Variants in RC3H1 observed in about 807,000 individuals in gnomAD.
RC3H1 encodes roquin-1.
A neutral mutation model predicts 138.2 loss-of-function variants in RC3H1; 50 were observed. That is an observed-to-expected ratio of 0.36 (90% CI 0.29 to 0.46). The LOEUF is 0.46. RC3H1 is among the 20% of genes least tolerant of loss of function. The pLI is 1.00. For missense variants in RC3H1, 1,031 were observed against 1,388.1 expected, an observed-to-expected ratio of 0.74 and a Z score of 4.09; for synonymous variants, 462 against 489.1, an observed-to-expected ratio of 0.94 and a Z score of 0.73.
chr1:174,001,550 C>T (rs1661565175), intron 1 of RC3H1, among the ~76,000 whole-genome samples: 1 of 152,108 alleles, frequency 6.6e-6, no homozygotes, highest in Admixed American at 6.6e-5. Flanking sequence ...AGGTTCAAGC[C>T]ATTCTCATGC....
intron 17 of RC3H1, among the ~76,000 whole-genome samples, chr1:173,945,493 C>G (rs1305852506): frequency 6.6e-6 from 1 of 152,094 alleles, no homozygotes; most frequent in African/African-American, 2.4e-5. Context: ...AACACTGAAT[C>G]TGGAGTATGA....
intron 1 of RC3H1, among the ~76,000 whole-genome samples, chr1:174,018,038 T>G (rs374092150): frequency 6.6e-6 from 1 of 151,790 alleles, no homozygotes; most frequent in East Asian, 1.9e-4. Context: ...CAAAATGCTA[T>G]CTCTATAAAA....
chr1:173,983,337 A>AGG (rs941858338), intron 4 of RC3H1, 81 bp downstream of exon 4: 4 of 1,506,684 alleles, frequency 2.7e-6, no homozygotes, highest in Non-Finnish European at 2.7e-6. Context: ...GCAAAGAACT[A>AGG]GGCTTTGTAC....
intron 9 of RC3H1, chr1:173,969,248 C>T (rs950247442): frequency 9.3e-5 from 14 of 151,004 alleles, no homozygotes; most frequent in Admixed American, 7.9e-4. Context: ...TATTGTACTA[C>T]TTTTGCAGAG....
intron 1 of RC3H1, among the ~76,000 whole-genome samples, chr1:174,002,004 T>C (rs1437693905): frequency 1.3e-5 from 2 of 152,202 alleles, no homozygotes; most frequent in Non-Finnish European, 2.9e-5. Context: ...AATTGTTTGC[T>C]TTATTATCTT....
chr1:174,019,880 T>C (rs1661926389), intron 1 of RC3H1, among the ~76,000 whole-genome samples: 1 of 152,136 alleles, frequency 6.6e-6, no homozygotes, highest in Non-Finnish European at 1.5e-5. Context: ...GCTGGGTCAA[T>C]AACCAATCTG....
At chr1:173,963,196 C>T (rs1273894003) in intron 11 of RC3H1, among the ~76,000 whole-genome samples, 1 of 152,082 alleles carries the variant, frequency 6.6e-6, no homozygotes, top group African/African-American at 2.4e-5. Context: ...TTCTCCTTTC[C>T]CACCACACTA....
Position 173,938,652 on chromosome 1 carries a change from T to A in RC3H1, c.*69A>T. 1 of 1,180,932 alleles carries A rather than the reference T, an allele frequency of 8.5e-7. No homozygotes were observed. Among genetic ancestry groups the A allele is most frequent in the Admixed American group, 2.6e-5 (1 of 38,964 alleles). 73.2% of individuals were successfully genotyped at this position (1,180,932 alleles called of 1,614,324 possible). The stretch of plus-strand genomic sequence containing the variant: ...CTTAAGAGAAAAAGTTTAGAAGTTA[T>A]GCGTTCTCCTACCCCTATGCCCGAC... On this transcript the variant is annotated 3_prime_UTR_variant, in exon 20 of 20. Coordinates refer to ENST00000367696, the MANE Select transcript of RC3H1 (RefSeq NM_172071.4).
At chr1:173,968,856 ATTTTT>A (rs370550482) in intron 9 of RC3H1, among the ~76,000 whole-genome samples, 2 of 128,114 alleles carry the variant, frequency 1.6e-5, no homozygotes. Flanking sequence ...AGGAATTTTG[ATTTTT>A]TTTTTTTTTT....
Position 173,994,180 on chromosome 1 carries a change from T to A in RC3H1, c.-150-1045A>T, listed in dbSNP as rs374072551. Among the ~76,000 whole-genome samples the A allele has an allele frequency of 1.9e-3, 292 of 151,840 alleles. 1 individual carries two copies. The highest frequency in any genetic ancestry group is 4.6e-3 in the South Asian group (22 of 4,794). On this transcript the variant is annotated intron_variant, in intron 1 of 19. Transcript: ENST00000367696. ...GCTGAGGCGGGTGGGTCACTTGAGG[T>A]TGGGAGTTCAAGACCAGACTGGCCA...
At chr1:174,003,765 C>T (rs373711662) in intron 1 of RC3H1, among the ~76,000 whole-genome samples, 16 of 151,830 alleles carry the variant, frequency 1.1e-4, no homozygotes, top group African/African-American at 3.9e-4. Flanking sequence ...GGTTTCACGC[C>T]ATTCTCCTGC....
intron 13 of RC3H1, among the ~76,000 whole-genome samples, chr1:173,955,512 A>G (rs944745117): frequency 3.3e-5 from 5 of 151,464 alleles, no homozygotes; most frequent in African/African-American, 9.7e-5. Flanking sequence ...TCGTAGAGAC[A>G]GGGTTTCACT....
chr1:173,967,123 G>A (rs905291038), intron 9 of RC3H1, among the ~76,000 whole-genome samples: 6 of 151,994 alleles, frequency 3.9e-5, no homozygotes, highest in African/African-American at 1.2e-4. Flanking sequence ...AGGTATTCAA[G>A]AACAGCCTGG....
At position 173,950,420 on chromosome 1, in the gene RC3H1, C is replaced by CAAAAAAAAAAAAA. The variant is rs60259705; in HGVS notation, c.2523+1553_2523+1565dup. ...CAACATAGCAAGACCTCATCTCTAC[C>CAAAAAAAAAAAAA]AAAAAAAAAAAAAAAAAAAAAGAGC... is the stretch of plus-strand genomic sequence containing the variant. On this transcript the variant is annotated intron_variant, in intron 14 of 19. Coordinates refer to ENST00000367696, the MANE Select transcript of RC3H1 (RefSeq NM_172071.4). Among the ~76,000 whole-genome samples the CAAAAAAAAAAAAA allele has an allele frequency of 2.2e-3, 140 of 63,648 alleles. 12 individuals carry two copies. Among genetic ancestry groups the CAAAAAAAAAAAAA allele is most frequent in the African/African-American group, 8.9e-3 (128 of 14,396 alleles). 41.8% of individuals were successfully genotyped at this position (63,648 alleles called of 152,430 possible). A position where few individuals can be genotyped will look rare whatever the true frequency, so the allele number is the denominator to read the frequency against.
Position 173,981,130 on chromosome 1 carries a change from T to C in RC3H1, c.769-121A>G, listed in dbSNP as rs535909166. 28 of 766,984 alleles carry C rather than the reference T, an allele frequency of 3.7e-5. 1 individual carries two copies. The East Asian group carries it at 4.1e-4, about 11-fold the overall frequency. 47.5% of individuals were successfully genotyped at this position (766,984 alleles called of 1,614,324 possible). On this transcript the variant is annotated intron_variant, in intron 5 of 19. Coordinates refer to ENST00000367696, the MANE Select transcript of RC3H1 (RefSeq NM_172071.4). ...CAGCAAGATTAAATGAATATACCAT[T>C]TGCCTGCAAAATATTTTCTCCTTAA...
rs1377517143 is a variant in RC3H1 at position 173,947,474 on chromosome 1, G to A, written c.2632C>T (p.Arg878Trp). 1.2e-6 allele frequency: 2 copies of A among 1,613,980 alleles called. No homozygotes were observed. The highest frequency in any genetic ancestry group is 1.7e-6 in the Non-Finnish European group (2 of 1,179,954). ...GAAGTTCGTGAGATGGCACCAAACC[G>A]AGACACTGTTGGTCGGTCTCCAAAT... ...IPFGDRPTVS[R>W]FGAISRTSKT... The change falls in exon 15 of 20, where the codon CGG becomes TGG. Residue 878 changes from arginine (R) to tryptophan (W), a missense_variant. Coordinates refer to ENST00000367696, the MANE Select transcript of RC3H1 (RefSeq NM_172071.4).
chr1:173,945,271 G>A (rs764727279), intron 17 of RC3H1, among the ~76,000 whole-genome samples: 54 of 152,022 alleles, frequency 3.6e-4, no homozygotes, highest in Non-Finnish European at 4.7e-4. Flanking sequence ...GACTACAGGC[G>A]TGCACTACCA....
At position 173,961,936 on chromosome 1, in the gene RC3H1, G is replaced by A; in HGVS notation, c.1991C>T (p.Pro664Leu). 2 of 1,614,092 alleles carry A rather than the reference G, an allele frequency of 1.2e-6. No individual in the cohort carries two copies. Among genetic ancestry groups the A allele is most frequent in the South Asian group, 1.1e-5 (1 of 91,080 alleles). The stretch of plus-strand genomic sequence containing the variant: ...GCCATCATAGTGAGATGGGTATATA[G>A]GTGGGTACTGCTGTGGCTGTGTGCC... ...QYGTQPQQYP[P>L]IYPSHYDGRR... The change falls in exon 12 of 20, where the codon CCT becomes CTT. Residue 664 changes from proline (P) to leucine (L), a missense_variant. Pro to Leu is a moderately conservative substitution (Grantham distance 98). Transcript: ENST00000367696.
At chr1:173,954,760 G>A (rs553800094) in intron 13 of RC3H1, among the ~76,000 whole-genome samples, 39 of 152,132 alleles carry the variant, frequency 2.6e-4, no homozygotes, top group African/African-American at 9.2e-4. Context: ...ACGAGTTTGA[G>A]ACCACCAGCC....
Sources: allele counts gnomAD v4.1 joint callset (sites outside exome capture counted in the v4.1 genomes callset), GRCh38; gene constraint gnomAD v4.1.1; transcripts MANE v1.5; gene names NCBI Gene and HGNC (gene_info 2026-07-23, HGNC 2026-07-21).